DGKB: variants seen among roughly 807,000 people sequenced by gnomAD.
DGKB encodes the protein diacylglycerol kinase beta.
DGKB carries 67 observed loss-of-function variants against 114.3 expected under a neutral mutation model. The ratio of observed to expected loss-of-function variants is 0.59; its 90% CI spans 0.48 to 0.72. The LOEUF (loss-of-function observed/expected upper bound fraction) is 0.72. Among genes scored for constraint, DGKB ranks in the 30% least tolerant of loss-of-function variants. The pLI, the probability that DGKB is intolerant of heterozygous loss-of-function variation, is 0.00. For synonymous variants in DGKB, 398 were observed against 323.1 expected, an observed-to-expected ratio of 1.23 and a Z score of -2.49; for missense variants, 907 against 975.2, an observed-to-expected ratio of 0.93 and a Z score of 0.93.
In DGKB at chr7:14,779,688, T is replaced by C. The variant is rs143167393; in HGVS notation, c.71-21957A>G. ...GTTTTGTTTAACCATCTGTTTCTTG[T>C]CACAATATCTATTTATTTCCTGCTA... On this transcript the variant is annotated intron_variant, in intron 2 of 25. Transcript: ENST00000402815. Among the ~76,000 whole-genome samples, 6 of 152,346 alleles carry C rather than the reference T, an allele frequency of 3.9e-5. No homozygotes were observed. The East Asian group carries it at 1.2e-3, about 29-fold the overall frequency.
At chr7:14,709,085 C>A (rs903135332) in intron 6 of DGKB, among the ~76,000 whole-genome samples, 1 of 146,762 alleles carries the variant, frequency 6.8e-6, no homozygotes, top group South Asian at 2.2e-4. Context: ...GGGCTAATAT[C>A]CAGAATCTAC....
chr7:14,570,479 G>C (rs1798220030), intron 20 of DGKB, among the ~76,000 whole-genome samples: 1 of 151,972 alleles, frequency 6.6e-6, no homozygotes. Context: ...TGACTACCCA[G>C]AAACTTAACA....
chr7:14,906,159 C>G (rs187002864), upstream of DGKB, among the ~76,000 whole-genome samples: 1 of 151,916 alleles, frequency 6.6e-6, no homozygotes, highest in African/African-American at 2.4e-5. Context: ...TCTCTCTCTA[C>G]TCCCCTTTTG....
chr7:14,643,407 T>C (rs1413197853), intron 13 of DGKB, among the ~76,000 whole-genome samples: 1 of 152,146 alleles, frequency 6.6e-6, no homozygotes, highest in Non-Finnish European at 1.5e-5. Flanking sequence ...CCAAAGCTGA[T>C]GCATCATGGC....
At chr7:14,762,221 G>C (rs1479177360) in intron 2 of DGKB, among the ~76,000 whole-genome samples, 3 of 152,090 alleles carry the variant, frequency 2.0e-5, no homozygotes, top group African/African-American at 7.2e-5. Context: ...TTCTTGGAAT[G>C]AGCTGGGAAA....
chr7:14,526,419 C>T (rs1297000036), intron 20 of DGKB, among the ~76,000 whole-genome samples: 1 of 152,014 alleles, frequency 6.6e-6, no homozygotes, highest in East Asian at 1.9e-4. Flanking sequence ...CACTGAGAAC[C>T]TGTGTTTCAA....
intron 20 of DGKB, among the ~76,000 whole-genome samples, chr7:14,572,532 C>G (rs538534387): frequency 6.6e-6 from 1 of 151,140 alleles, no homozygotes; most frequent in African/African-American, 2.4e-5. Context: ...ATTAAAGATA[C>G]AAAATTATAA....
intron 13 of DGKB, among the ~76,000 whole-genome samples, chr7:14,659,301 A>C (rs527910202): frequency 7.4e-4 from 113 of 152,044 alleles, no homozygotes; most frequent in African/African-American, 2.6e-3. Context: ...TAAGTTCAAA[A>C]GTGAGATAAA....
intron 23 of DGKB, among the ~76,000 whole-genome samples, chr7:14,318,936 A>G (rs1402521680): frequency 1.3e-5 from 2 of 152,126 alleles, no homozygotes; most frequent in Admixed American, 6.6e-5. Context: ...GCACATATAC[A>G]CCATGGAATA....
intron 23 of DGKB, among the ~76,000 whole-genome samples, chr7:14,206,819 T>G (rs991416903): frequency 1.3e-5 from 2 of 152,058 alleles, no homozygotes; most frequent in Non-Finnish European, 2.9e-5. Flanking sequence ...TAAAGTTTAT[T>G]TATTGTTGCA....
chr7:14,898,401 C>T (rs1782456077), intron 1 of DGKB, among the ~76,000 whole-genome samples: 1 of 152,020 alleles, frequency 6.6e-6, no homozygotes, highest in Non-Finnish European at 1.5e-5. Context: ...CTATTCCTAC[C>T]AGTTTGTAAC....
intron 2 of DGKB, among the ~76,000 whole-genome samples, chr7:14,767,457 G>A (rs1041133193): frequency 6.6e-6 from 1 of 151,870 alleles, no homozygotes; most frequent in Admixed American, 6.6e-5. Flanking sequence ...CTGGTGCATA[G>A]TATATATTCA....
intron 13 of DGKB, among the ~76,000 whole-genome samples, chr7:14,636,332 T>C (rs573673621): frequency 2.0e-5 from 3 of 151,886 alleles, no homozygotes; most frequent in African/African-American, 7.2e-5. Context: ...ACCTTTCCTC[T>C]AAATGCGCCC....
chr7:14,925,157 G>T (rs752252657), intron 1 of DGKB, among the ~76,000 whole-genome samples: 15 of 152,120 alleles, frequency 9.9e-5, no homozygotes, highest in Non-Finnish European at 1.6e-4. Flanking sequence ...CCCAAAGTCT[G>T]TTCAACTATT....
chr7:14,252,122 T>A (rs566817204), intron 23 of DGKB, among the ~76,000 whole-genome samples: 7 of 152,300 alleles, frequency 4.6e-5, no homozygotes, highest in African/African-American at 1.7e-4. Context: ...GAATCTTGTA[T>A]AATGCATATT....
chr7:14,660,520 G>T (rs932580609), intron 13 of DGKB, among the ~76,000 whole-genome samples: 2 of 152,048 alleles, frequency 1.3e-5, no homozygotes, highest in Non-Finnish European at 1.5e-5. Flanking sequence ...GGTGTTTGCA[G>T]TATTCTCTGA....
intron 1 of DGKB, among the ~76,000 whole-genome samples, chr7:14,899,285 C>T (rs1782604934): frequency 6.6e-6 from 1 of 152,132 alleles, no homozygotes; most frequent in African/African-American, 2.4e-5. Context: ...AGCATCTGGC[C>T]TTTCTCCGCC....
chr7:14,202,192 A>G (rs762932382), intron 23 of DGKB, among the ~76,000 whole-genome samples: 6 of 152,036 alleles, frequency 3.9e-5, no homozygotes, highest in Non-Finnish European at 8.8e-5. Flanking sequence ...TAGTATTTAT[A>G]TGCTTAAACC....
At position 14,663,497 on chromosome 7, in the gene DGKB, C is replaced by G. The variant is rs562204564; in HGVS notation, c.1134+9432G>C. 4.6e-5 allele frequency among the ~76,000 whole-genome samples: 7 copies of G among 152,080 alleles called. No homozygotes were observed. The South Asian group carries it at 1.4e-3, about 31-fold the overall frequency. ...GGATGGAAACGACTTGCCCACAGAT[C>G]AGGAGTTCATGTAAGAACTCTGGAC... On this transcript the variant is annotated intron_variant, in intron 13 of 25. Transcript: ENST00000402815.
Sources: gnomAD v4.1 joint callset for allele counts (sites outside exome capture counted in the v4.1 genomes callset) on GRCh38, gnomAD v4.1.1 for gene constraint, MANE v1.5 for transcripts, NCBI Gene and HGNC (gene_info 2026-07-23, HGNC 2026-07-21) for gene names.